The following SCAF8 variants were observed in gnomAD, a reference collection of about 807,000 sequenced individuals.
SCAF8 encodes SR-related CTD associated factor 8.
In SCAF8, 23 loss-of-function variants were observed where a neutral mutation model predicts 140.5. The ratio of observed to expected loss-of-function variants is 0.16; its 90% confidence interval spans 0.12 to 0.23. SCAF8 has a LOEUF of 0.23. SCAF8 is among the 10% of genes least tolerant of loss of function. The pLI is 1.00. For synonymous variants in SCAF8, 575 were observed against 528.9 expected (o/e 1.09, Z -1.20); for missense variants, 1,397 against 1,555.7 (o/e 0.90, Z 1.72).
At chr6:154,806,829 T>C (rs1459003092) in intron 9 of SCAF8, among the ~76,000 whole-genome samples, 1 of 152,108 alleles carries the variant, frequency 6.6e-6, no homozygotes, top group Non-Finnish European at 1.5e-5. Context: ...GTCAAGCAAA[T>C]GTATCTGCCT....
Position 154,776,837 on chromosome 6 carries a change from T to C in SCAF8, c.115-1164T>C, listed in dbSNP as rs1482046784. Among the ~76,000 whole-genome samples, 4 of 152,220 alleles carry C rather than the reference T, an allele frequency of 2.6e-5. No homozygotes were observed. The East Asian group carries it at 7.7e-4, about 29-fold the overall frequency. On this transcript the variant is annotated intron_variant, in intron 2 of 19. Transcript: ENST00000367178. ...GCTGAGGTTTAGTTGAATGTTCCTATTTCTTCAGTCTAAGGGAATGTCCTT... is the reference window on the plus strand; with the variant it reads ...GCTGAGGTTTAGTTGAATGTTCCTACTTCTTCAGTCTAAGGGAATGTCCTT...
chr6:154,741,762 C>G (rs1778576029), intron 1 of SCAF8, among the ~76,000 whole-genome samples: 1 of 152,144 alleles, frequency 6.6e-6, no homozygotes, highest in Admixed American at 6.5e-5. Context: ...GATAGTATTA[C>G]TAGTTGTATG....
intron 3 of SCAF8, among the ~76,000 whole-genome samples, chr6:154,785,170 G>A (rs967558483): frequency 2.6e-5 from 4 of 152,178 alleles, no homozygotes; most frequent in Non-Finnish European, 5.9e-5. Context: ...CTTGTGGTGT[G>A]TAGCAGTATT....
At chr6:154,734,039 G>T (rs1324231278) in intron 1 of SCAF8, 109 bp downstream of exon 1, 6 of 1,403,734 alleles carry the variant, frequency 4.3e-6, no homozygotes, top group Non-Finnish European at 5.6e-6. Flanking sequence ...TAAGGGTGGG[G>T]TGAGCGGTGG....
chr6:154,830,308 G>A (rs77862165), intron 18 of SCAF8, among the ~76,000 whole-genome samples: 307 of 152,310 alleles, frequency 2.0e-3, no homozygotes, highest in Non-Finnish European at 3.5e-3. Context: ...CATTCTAAGT[G>A]ACATATTGGG....
intron 6 of SCAF8, among the ~76,000 whole-genome samples, chr6:154,796,880 G>A (rs762450256): frequency 3.3e-5 from 5 of 151,966 alleles, no homozygotes; most frequent in Admixed American, 2.6e-4. Flanking sequence ...GCTGAGGCAG[G>A]AGAATCGCTT....
chr6:154,737,209 C>T (rs1778445961), intron 1 of SCAF8, among the ~76,000 whole-genome samples: 2 of 152,174 alleles, frequency 1.3e-5, no homozygotes, highest in Admixed American at 6.5e-5. Context: ...CATAGTTTGG[C>T]TTTTAAAGGT....
chr6:154,829,940 T>G (rs1342373316), intron 18 of SCAF8, among the ~76,000 whole-genome samples: 1 of 152,202 alleles, frequency 6.6e-6, no homozygotes, highest in Non-Finnish European at 1.5e-5. Context: ...TTTCTTTTTG[T>G]TATTGTTGGT....
At chr6:154,782,585 C>T (rs138607521) in intron 3 of SCAF8, among the ~76,000 whole-genome samples, 2 of 152,134 alleles carry the variant, frequency 1.3e-5, no homozygotes, top group East Asian at 1.9e-4. Flanking sequence ...TGTATATATA[C>T]ACACATATAT....
At chr6:154,815,418 C>T (rs1778218535) in intron 12 of SCAF8, among the ~76,000 whole-genome samples, 1 of 152,198 alleles carries the variant, frequency 6.6e-6, no homozygotes, top group South Asian at 2.1e-4. Flanking sequence ...CTGTCTTTGA[C>T]ACTGCATGCC....
At chr6:154,767,376 A>T (rs1299771631) in intron 1 of SCAF8, among the ~76,000 whole-genome samples, 3 of 143,542 alleles carry the variant, frequency 2.1e-5, no homozygotes, top group Non-Finnish European at 3.1e-5. Flanking sequence ...TCTTTGTGGT[A>T]TTTTTTTTTT....
rs777801547 is a variant in SCAF8, at chr6:154,802,054, T to A, written c.690T>A (p.Val230=). ...TGCAGGCCCTAGATGCTGGTCTTGTTGTTCAGTTGCAAGCTCTTACGGCAC... is the reference window on the plus strand; with the variant it reads ...TGCAGGCCCTAGATGCTGGTCTTGTAGTTCAGTTGCAAGCTCTTACGGCAC... The part of the protein sequence containing the change: ...SILQALDAGL[V]VQLQALTAQL... Residue 230 remains valine (V), a synonymous_variant, in exon 7 of 20, where the codon GTT becomes GTA. Coordinates refer to ENST00000367178, the MANE Select transcript of SCAF8 (RefSeq NM_014892.5). 1.9e-6 allele frequency: 3 copies of A among 1,613,596 alleles called. No individual in the cohort carries two copies. In the Admixed American group the frequency reaches 5.0e-5, roughly 27 times the overall value.
chr6:154,775,915 A>G (rs1776903669), intron 2 of SCAF8, among the ~76,000 whole-genome samples: 1 of 152,172 alleles, frequency 6.6e-6, no homozygotes, highest in Admixed American at 6.5e-5. Flanking sequence ...TTTGCTGATT[A>G]ACATGTTGCT....
In SCAF8 at chr6:154,828,562, G is replaced by A. The variant is rs9384244; in HGVS notation, c.2140+1322G>A. ...GTAGATTGTTTCATCTTTGGACGGT[G>A]GGAGACCTGTGTTGCCTCCCTGTCA... On this transcript the variant is annotated intron_variant, in intron 18 of 19. Coordinates refer to ENST00000367178, the MANE Select transcript of SCAF8 (RefSeq NM_014892.5). 1.6e-4 allele frequency among the ~76,000 whole-genome samples: 24 copies of A among 150,438 alleles called. No homozygotes were observed. The South Asian group carries it at 2.6e-3, about 16-fold the overall frequency.
chr6:154,828,260 C>T (rs1778626130), intron 18 of SCAF8, among the ~76,000 whole-genome samples: 1 of 152,110 alleles, frequency 6.6e-6, no homozygotes, highest in Non-Finnish European at 1.5e-5. Flanking sequence ...AAAAAGTTTT[C>T]CTTAATCAGG....
At chr6:154,827,430 A>C (rs1353373269) in intron 18 of SCAF8, among the ~76,000 whole-genome samples, 190 bp downstream of exon 18, 1 of 152,156 alleles carries the variant, frequency 6.6e-6, no homozygotes, top group Non-Finnish European at 1.5e-5. Flanking sequence ...TTAAACTCTT[A>C]TGATTGGTTT....
At chr6:154,827,829 CGGGGCGGGGGGG>C (rs1231835215) in intron 18 of SCAF8, among the ~76,000 whole-genome samples, 7 of 23,814 alleles carry the variant, frequency 2.9e-4, no homozygotes, top group Admixed American at 1.2e-3. Flanking sequence ...TTTTTTGGGG[CGGGGCGGGGGGG>C]GGGGCGGTGT....
At chr6:154,762,935 C>CAGCAGGTG (rs1479392995) in intron 1 of SCAF8, among the ~76,000 whole-genome samples, 1 of 152,090 alleles carries the variant, frequency 6.6e-6, no homozygotes, top group Non-Finnish European at 1.5e-5. Flanking sequence ...TTTTTTGCAG[C>CAGCAGGTG]AGCAGGTGAT....
Position 154,733,645 on chromosome 6 carries a change from C to A in SCAF8, c.-256C>A. ...AGCCCCTCCCCCGCCCGCCGCCGAC[C>A]CGCCCCGGCAGCGCCTCTGTTCCCT... On this transcript the variant is annotated 5_prime_UTR_variant, in exon 1 of 20. Transcript: ENST00000367178. 2 of 1,290,648 alleles carry A rather than the reference C, an allele frequency of 1.5e-6. No homozygotes were observed. The highest frequency in any genetic ancestry group is 6.3e-5 in the East Asian group (2 of 31,658). 79.9% of individuals were successfully genotyped at this position (1,290,648 alleles called of 1,614,324 possible).
Sources: gnomAD v4.1 joint callset for allele counts (sites outside exome capture counted in the v4.1 genomes callset) on GRCh38, gnomAD v4.1.1 for gene constraint, MANE v1.5 for transcripts, NCBI Gene and HGNC (gene_info 2026-07-23, HGNC 2026-07-21) for gene names.